SELENOO: variants seen among roughly 807,000 people sequenced by gnomAD.
SELENOO encodes selenoprotein O, also known as protein adenylyltransferase SelO, mitochondrial.
In SELENOO, 74 loss-of-function variants were observed where a neutral mutation model predicts 58.7. The ratio of observed to expected loss-of-function variants is 1.26; its 90% CI spans 1.04 to 1.53. The LOEUF (loss-of-function observed/expected upper bound fraction) is 1.53. Ranked by LOEUF, SELENOO falls within the 40% of genes most tolerant of loss-of-function variation. The probability of loss-of-function intolerance (pLI) is 0.00; values close to 1 mark genes in which losing one functional copy is unlikely to be tolerated. For missense variants in SELENOO, 1,149 were observed against 970.0 expected, an observed-to-expected ratio of 1.18 and a Z score of -2.45; for synonymous variants, 543 against 453.2, an observed-to-expected ratio of 1.20 and a Z score of -2.52.
chr22:50,215,646 G>T (rs899741231), intron 5 of SELENOO, 71 bp from the exon 6 acceptor site: 15 of 1,269,878 alleles, frequency 1.2e-5, no homozygotes, highest in East Asian at 2.6e-5. Context: ...GGGGGGGGGG[G>T]GGTCTGTGTG....
intron 2 of SELENOO, among the ~76,000 whole-genome samples, chr22:50,207,457 C>G (rs2064340151): frequency 6.6e-6 from 1 of 152,006 alleles, no homozygotes; most frequent in Admixed American, 6.6e-5. Flanking sequence ...ACCTTGCCAC[C>G]TGGCGTCTAG....
chr22:50,210,652 C>T lies in SELENOO; in HGVS notation c.1092C>T (p.Cys364=). 1.2e-6 allele frequency: 2 copies of T among 1,612,938 alleles called. No individual in the cohort carries two copies. Among genetic ancestry groups the T allele is most frequent in the Non-Finnish European group, 1.7e-6 (2 of 1,179,864 alleles). Residue 364 remains cysteine (C), a synonymous_variant, in exon 5 of 9, where the codon TGC becomes TGT. Transcript: ENST00000380903. ...FLDRYDPDHV[C]NASDNTGRYA... ...GCAGGTACGACCCCGACCACGTGTG[C>T]AATGCCTCCGACAACACCGGCCGCT...
At chr22:50,205,500 T>C (rs957653477) in intron 1 of SELENOO, 1 of 152,166 alleles carries the variant, frequency 6.6e-6, no homozygotes, top group African/African-American at 2.4e-5. Context: ...GAGAGGGTGG[T>C]GCTGCAGTGA....
chr22:50,206,824 T>C (rs2064336161), intron 2 of SELENOO, among the ~76,000 whole-genome samples: 1 of 152,104 alleles, frequency 6.6e-6, no homozygotes, highest in Non-Finnish European at 1.5e-5. Context: ...GGAGCTGGTG[T>C]GTCTCAAAGC....
At chr22:50,214,061 T>G (rs2064389688) in intron 5 of SELENOO, among the ~76,000 whole-genome samples, 1 of 152,232 alleles carries the variant, frequency 6.6e-6, no homozygotes. Flanking sequence ...TTTTGGGCTT[T>G]CTTATTGGGT....
At position 50,217,377 on chromosome 22, in the gene SELENOO, G is replaced by C; in HGVS notation, c.*8G>C. 1.9e-6 allele frequency: 3 copies of C among 1,612,404 alleles called. No homozygotes were observed. The highest frequency in any genetic ancestry group is 1.7e-4 in the Middle Eastern group (1 of 6,054). On this transcript the variant is annotated 3_prime_UTR_variant, in exon 9 of 9. Coordinates refer to ENST00000380903, the MANE Select transcript of SELENOO (RefSeq NM_031454.2). ...GTGACATGATCTTCGTAACGGCCTC[G>C]GCACGCTCCACACCCCTGGAGTCTC...
intron 1 of SELENOO, among the ~76,000 whole-genome samples, chr22:50,201,992 C>G (rs1459043552): frequency 6.6e-6 from 1 of 152,234 alleles, no homozygotes; most frequent in Non-Finnish European, 1.5e-5. Flanking sequence ...TGCGGGCAGC[C>G]CTTTTTAACC....
rs2064431129 is a variant in SELENOO, at chr22:50,217,455, A to G, written c.*86A>G. On this transcript the variant is annotated 3_prime_UTR_variant, in exon 9 of 9. Coordinates refer to ENST00000380903, the MANE Select transcript of SELENOO (RefSeq NM_031454.2). ...CCAAGATGATGCCAGGCTGCCCTATACACTGGGGGATTCTGCCCTGGCCCA... is the reference window on the plus strand; with the variant it reads ...CCAAGATGATGCCAGGCTGCCCTATGCACTGGGGGATTCTGCCCTGGCCCA... 1 of 1,484,526 alleles carries G rather than the reference A, an allele frequency of 6.7e-7. No homozygotes were observed. The highest frequency in any genetic ancestry group is 1.4e-5 in the African/African-American group (1 of 70,662). 92.0% of individuals were successfully genotyped at this position (1,484,526 alleles called of 1,614,324 possible).
intron 5 of SELENOO, 24 bp from the exon 6 acceptor site, chr22:50,215,693 C>G: frequency 6.4e-7 from 1 of 1,557,530 alleles, no homozygotes; most frequent in South Asian, 1.1e-5. Context: ...CTGCTTCCAG[C>G]TCCCTGAGCA....
intron 2 of SELENOO, among the ~76,000 whole-genome samples, chr22:50,208,207 G>A (rs2064344765): frequency 6.6e-6 from 1 of 152,140 alleles, no homozygotes; most frequent in African/African-American, 2.4e-5. Flanking sequence ...CGAGGCGGGT[G>A]GATCACGAGG....
chr22:50,204,365 G>T (rs373845373), intron 1 of SELENOO, among the ~76,000 whole-genome samples: 2 of 152,172 alleles, frequency 1.3e-5, no homozygotes, highest in East Asian at 3.8e-4. Context: ...AGTGGCTCAC[G>T]CCTGTAATCC....
In SELENOO at chr22:50,217,346, C is replaced by G; in HGVS notation, c.1987C>G (p.Leu663Val). The G allele has an allele frequency of 6.2e-7, 1 of 1,612,890 alleles. No individual in the cohort carries two copies. Among genetic ancestry groups the G allele is most frequent in the Non-Finnish European group, 8.5e-7 (1 of 1,179,926 alleles). Residue 663 changes from leucine to valine, a missense_variant, in exon 9 of 9, where the codon CTG becomes GTG. By Grantham distance (32) the Leu-to-Val change is conservative (BLOSUM62 1). Transcript: ENST00000380903. ...TAAGCCCCCGCTCTGGGCAGCAGAACTGTGCGTGACATGATCTTCGTAACG... is the reference window on the plus strand; with the variant it reads ...TAAGCCCCCGCTCTGGGCAGCAGAAGTGTGCGTGACATGATCTTCGTAACG... ...SSKPPLWAAE[L>V]CVTUSS is the part of the protein sequence containing the mutation.
At chr22:50,212,467 G>A (rs949327038) in intron 5 of SELENOO, among the ~76,000 whole-genome samples, 1 of 152,130 alleles carries the variant, frequency 6.6e-6, no homozygotes, top group East Asian at 1.9e-4. Context: ...CATTGTGGTA[G>A]GAACACAACA....
chr22:50,216,642 C>T, intron 6 of SELENOO, 49 bp from the exon 7 acceptor site: 1 of 1,506,090 alleles, frequency 6.6e-7, no homozygotes. Flanking sequence ...GCCTGCAGGG[C>T]AGGGACACGG....
intron 5 of SELENOO, among the ~76,000 whole-genome samples, chr22:50,211,159 C>T (rs1203919511): frequency 6.6e-6 from 1 of 152,130 alleles, no homozygotes; most frequent in Non-Finnish European, 1.5e-5. Context: ...CAATGTTCAC[C>T]CAGGTCCGTA....
Position 50,206,479 on chromosome 22 carries a change from A to C in SELENOO, c.717A>C (p.Glu239Asp). ...TCTATGATGGTAATCCCAAATATGA[A>C]CAATGCACGGTTGTGTTGCGTGTAG... ...DVFYDGNPKY[E>D]QCTVVLRVAS... Residue 239 changes from glutamate (E) to aspartate (D), a missense_variant, in exon 2 of 9, where the codon GAA (glutamate) becomes GAC (aspartate). By Grantham distance (45) the Glu-to-Asp change is conservative (BLOSUM62 2). Coordinates refer to ENST00000380903, the MANE Select transcript of SELENOO (RefSeq NM_031454.2). 2 of 1,614,088 alleles carry C rather than the reference A, an allele frequency of 1.2e-6. No homozygotes were observed. The highest frequency in any genetic ancestry group is 1.7e-6 in the Non-Finnish European group (2 of 1,180,020).
chr22:50,214,903 C>T lies in SELENOO; in HGVS notation c.1352-814C>T, dbSNP rs115530243. On this transcript the variant is annotated intron_variant, in intron 5 of 8. Transcript: ENST00000380903. ...CGTCTTGCAGATCGTGTGGTGACAACATGGAAATCGTCTTTTCACCCACTT... is the reference window on the plus strand; with the variant it reads ...CGTCTTGCAGATCGTGTGGTGACAATATGGAAATCGTCTTTTCACCCACTT... 6.7e-3 allele frequency among the ~76,000 whole-genome samples: 1,023 copies of T among 152,356 alleles called. 6 individuals are homozygous for T. Among genetic ancestry groups the T allele is most frequent in the African/African-American group, 0.022 (933 of 41,568 alleles).
At chr22:50,211,644 T>C (rs944886637) in intron 5 of SELENOO, among the ~76,000 whole-genome samples, 10 of 152,258 alleles carry the variant, frequency 6.6e-5, no homozygotes, top group African/African-American at 2.2e-4. Flanking sequence ...ATTTCATTCA[T>C]ATCTCCTTGC....
chr22:50,201,118 G>A lies in SELENOO; in HGVS notation c.82G>A (p.Ala28Thr), dbSNP rs1160765982. 7.5e-7 allele frequency: 1 copy of A among 1,337,746 alleles called. No individual in the cohort carries two copies. The highest frequency in any genetic ancestry group is 1.9e-5 in the South Asian group (1 of 52,050). The allele number at this position is 1,337,746 out of a possible 1,614,324, so 82.9% of individuals were successfully genotyped here. Reference protein sequence around the residue: ...LPLGRCSPSPAPRSTLSGAAM... With the variant: ...LPLGRCSPSPTPRSTLSGAAM... ...CCTCGGTCGCTGTTCCCCGTCGCCGGCGCCCCGCTCTACGTTGTCGGGCGC... is the reference window on the plus strand; with the variant it reads ...CCTCGGTCGCTGTTCCCCGTCGCCGACGCCCCGCTCTACGTTGTCGGGCGC... The change falls in exon 1 of 9, where the codon GCG (alanine) becomes ACG (threonine). Residue 28 changes from alanine to threonine, a missense_variant. Ala to Thr is a moderately conservative substitution (Grantham distance 58). Transcript: ENST00000380903.
Sources: allele counts gnomAD v4.1 joint callset (sites outside exome capture counted in the v4.1 genomes callset), GRCh38; gene constraint gnomAD v4.1.1; transcripts MANE v1.5; gene names NCBI Gene and HGNC (gene_info 2026-07-23, HGNC 2026-07-21).